Variants in TBC1D10C observed in about 807,000 individuals in gnomAD.
TBC1D10C encodes TBC1 domain family member 10C.
Under a neutral mutation model 51.0 loss-of-function variants are expected in TBC1D10C, and 49 were observed. That is an observed-to-expected ratio of 0.96 (90% CI 0.76 to 1.22). The LOEUF is 1.22. Among genes scored for constraint, TBC1D10C ranks in the 50% most tolerant of loss-of-function variants. The pLI is 0.00. For synonymous variants in TBC1D10C, 281 were observed against 266.7 expected (o/e 1.05, Z -0.52); for missense variants, 541 against 617.5 (o/e 0.88, Z 1.31).
chr11:67,408,877 G>A, intron 7 of TBC1D10C, 102 bp from the exon 8 acceptor site: 1 of 1,402,712 alleles, frequency 7.1e-7, no homozygotes, highest in Non-Finnish European at 9.4e-7. Flanking sequence ...GGGGAGGGCA[G>A]AGCTGCAGGA....
chr11:67,406,122 C>A, intron 5 of TBC1D10C, 105 bp downstream of exon 5: 1 of 998,960 alleles, frequency 1.0e-6, no homozygotes, highest in Non-Finnish European at 1.4e-6. Context: ...GATTCCTGGA[C>A]CCTGTCCTAG....
intron 8 of TBC1D10C, 60 bp from the exon 9 acceptor site, chr11:67,409,347 T>C: frequency 6.6e-7 from 1 of 1,509,268 alleles, no homozygotes; most frequent in Non-Finnish European, 8.9e-7. Flanking sequence ...GCTGGGGACC[T>C]CACAGTTTCC....
At chr11:67,408,690 C>T (rs1011199843) in intron 7 of TBC1D10C, 8 of 367,108 alleles carry the variant, frequency 2.2e-5, no homozygotes, top group African/African-American at 4.3e-5. Flanking sequence ...GGCATCTGAG[C>T]ATCAAGTGAT....
rs1658755384 is a variant in TBC1D10C, at chr11:67,406,537, C to A, written c.583-90C>A. The A allele has an allele frequency of 2.5e-6, 3 of 1,207,202 alleles. No individual in the cohort carries two copies. The African/African-American group carries it at 4.5e-5, about 18-fold the overall frequency. 74.8% of individuals were successfully genotyped at this position (1,207,202 alleles called of 1,614,324 possible). ...CAGGCCCCTGTGGTGCCCAGGCCCTCCCCTTCACTCCTTTCCCCTGTCCTG... is the reference window on the plus strand; with the variant it reads ...CAGGCCCCTGTGGTGCCCAGGCCCTACCCTTCACTCCTTTCCCCTGTCCTG... On this transcript the variant is annotated intron_variant, in intron 5 of 8. Coordinates refer to ENST00000542590, the MANE Select transcript of TBC1D10C (RefSeq NM_001369496.1).
At position 67,405,110 on chromosome 11, in the gene TBC1D10C, A is replaced by G. The variant is rs1490819256; in HGVS notation, c.178A>G (p.Ile60Val). Residue 60 changes from isoleucine (I) to valine (V), a missense_variant, in exon 2 of 9, where the codon ATC becomes GTC. Coordinates refer to ENST00000542590, the MANE Select transcript of TBC1D10C (RefSeq NM_001369496.1). The part of the protein sequence containing the change: ...PGPGHPPADL[I>V]RQREMKWVEM... The stretch of plus-strand genomic sequence containing the variant: ...GCCGGGCCACCCACCTGCAGACCTC[A>G]TCCGCCAACGGGAGATGAAGTGGGT... 6.4e-7 allele frequency: 1 copy of G among 1,551,212 alleles called. No homozygotes were observed. The highest frequency in any genetic ancestry group is 8.7e-7 in the Non-Finnish European group (1 of 1,146,908).
intron 5 of TBC1D10C, 114 bp from the exon 6 acceptor site, chr11:67,406,513 A>G: frequency 4.3e-6 from 4 of 937,110 alleles, no homozygotes; most frequent in Non-Finnish European, 6.6e-6. Context: ...CCCTGAGTGC[A>G]GGCCCCTGTG....
chr11:67,405,189 G>A lies in TBC1D10C; in HGVS notation c.252+5G>A, dbSNP rs375251411. On this transcript the variant is annotated splice_donor_5th_base_variant and intron_variant, in intron 2 of 8. Transcript: ENST00000542590. ...ATGTCCCGGCGGTACAAGAAGGTGA[G>A]GGGGGCAGGGGCCCCACTTGGCTTC... is the stretch of plus-strand genomic sequence containing the variant. The A allele has an allele frequency of 6.4e-7, 1 of 1,550,892 alleles. No individual in the cohort carries two copies. Among genetic ancestry groups the A allele is most frequent in the East Asian group, 2.4e-5 (1 of 40,922 alleles).
At position 67,406,614 on chromosome 11, in the gene TBC1D10C, G is replaced by C; in HGVS notation, c.583-13G>C. ...GTGAGCACTTACAGGCCTGTGCCCTGCCCCTTCCCCAGGAGGCCTTCTGGT... is the reference window on the plus strand; with the variant it reads ...GTGAGCACTTACAGGCCTGTGCCCTCCCCCTTCCCCAGGAGGCCTTCTGGT... On this transcript the variant is annotated splice_polypyrimidine_tract_variant and intron_variant, in intron 5 of 8. Coordinates refer to ENST00000542590, the MANE Select transcript of TBC1D10C (RefSeq NM_001369496.1). 1 of 1,561,752 alleles carries C rather than the reference G, an allele frequency of 6.4e-7. No homozygotes were observed. The highest frequency in any genetic ancestry group is 8.7e-7 in the Non-Finnish European group (1 of 1,152,082).
chr11:67,408,979 G>A lies in TBC1D10C; in HGVS notation c.839G>A (p.Gly280Asp). The A allele has an allele frequency of 6.5e-7, 1 of 1,541,418 alleles. No individual in the cohort carries two copies. Among genetic ancestry groups the A allele is most frequent in the Non-Finnish European group, 8.7e-7 (1 of 1,145,992 alleles). The change falls in exon 8 of 9, where the codon GGT becomes GAT. Residue 280 changes from glycine (G) to aspartate (D), a missense_variant and splice_region_variant. Coordinates refer to ENST00000542590, the MANE Select transcript of TBC1D10C (RefSeq NM_001369496.1). ...CAGTGAATAAGCCCCCGGCCTGCAG[G>A]TGCCAGAGTACTGTTCCGTGTGGGG... ...LRVWDAFLSEGARVLFRVGLT... is the reference protein window; with the variant it reads ...LRVWDAFLSEDARVLFRVGLT...
chr11:67,405,039 G>A (rs370006726), intron 1 of TBC1D10C, 46 bp from the exon 2 acceptor site: 136 of 1,521,644 alleles, frequency 8.9e-5, no homozygotes, highest in Non-Finnish European at 1.2e-4. Flanking sequence ...GTGGGCCTTG[G>A]GTAACAGCTG....
intron 7 of TBC1D10C, chr11:67,407,265 C>G: frequency 2.0e-6 from 1 of 502,266 alleles, no homozygotes; most frequent in South Asian, 3.1e-5. Context: ...CACATGGAGG[C>G]CTGAGCTTCT....
intron 1 of TBC1D10C, 111 bp from the exon 2 acceptor site, chr11:67,404,974 A>C: frequency 4.2e-5 from 40 of 954,522 alleles, no homozygotes; most frequent in Non-Finnish European, 5.2e-5. Flanking sequence ...CAGGGCTCCC[A>C]GAGATCCCTA....
chr11:67,405,918 G>A lies in TBC1D10C; in HGVS notation c.483G>A (p.Leu161=), dbSNP rs774936828. ...SPQGHGQQGL[L]QVLKAYTLYR... ...TCCGGCACAGGCAGCAGGGGCTCCT[G>A]CAGGTGCTCAAGGCCTACACCCTGT... is the stretch of plus-strand genomic sequence containing the variant. The change falls in exon 5 of 9, where the codon CTG becomes CTA. Residue 161 remains leucine, a synonymous_variant. Coordinates refer to ENST00000542590, the MANE Select transcript of TBC1D10C (RefSeq NM_001369496.1). 3 of 1,596,912 alleles carry A rather than the reference G, an allele frequency of 1.9e-6. No homozygotes were observed. The highest frequency in any genetic ancestry group is 1.1e-5 in the South Asian group (1 of 88,690).
At chr11:67,404,556 C>T (rs903298147) in intron 1 of TBC1D10C, among the ~76,000 whole-genome samples, 15 of 152,152 alleles carry the variant, frequency 9.9e-5, no homozygotes, top group African/African-American at 3.6e-4. Context: ...TACCCCCAGC[C>T]TCCGAGGGTT....
At position 67,409,844 on chromosome 11, in the gene TBC1D10C, T is replaced by C; in HGVS notation, c.*90T>C. 2 of 1,198,022 alleles carry C rather than the reference T, an allele frequency of 1.7e-6. No homozygotes were observed. Among genetic ancestry groups the C allele is most frequent in the African/African-American group, 1.5e-5 (1 of 65,566 alleles). 74.2% of individuals were successfully genotyped at this position (1,198,022 alleles called of 1,614,324 possible). A position where few individuals can be genotyped will look rare whatever the true frequency, so the allele number is the denominator to read the frequency against. On this transcript the variant is annotated 3_prime_UTR_variant, in exon 9 of 9. Coordinates refer to ENST00000542590, the MANE Select transcript of TBC1D10C (RefSeq NM_001369496.1). ...AGGCACCGCACTTTACTCTTGGGACTCGGGGACTTGGCTTCCTTCCTGGCA... is the reference window on the plus strand; with the variant it reads ...AGGCACCGCACTTTACTCTTGGGACCCGGGGACTTGGCTTCCTTCCTGGCA...
rs147560025 is a variant in TBC1D10C at position 67,409,094 on chromosome 11, C to G, written c.954C>G (p.Ile318Met). 4 of 1,596,682 alleles carry G rather than the reference C, an allele frequency of 2.5e-6. No individual in the cohort carries two copies. Among genetic ancestry groups the G allele is most frequent in the Non-Finnish European group, 3.4e-6 (4 of 1,173,164 alleles). ...AGACACTGGGAGCCCTTCGAGCCATCCCCCCCGCGCAGCTGCAGGAGGAGG... is the reference window on the plus strand; with the variant it reads ...AGACACTGGGAGCCCTTCGAGCCATGCCCCCCGCGCAGCTGCAGGAGGAGG... Reference protein sequence around the residue: ...LLETLGALRAIPPAQLQEEAF... With the variant: ...LLETLGALRAMPPAQLQEEAF... Residue 318 changes from isoleucine to methionine, a missense_variant, in exon 8 of 9, where the codon ATC (isoleucine) becomes ATG (methionine). Transcript: ENST00000542590.
Position 67,409,845 on chromosome 11 carries a change from C to T in TBC1D10C, c.*91C>T, listed in dbSNP as rs549797964. 4.5e-5 allele frequency: 53 copies of T among 1,183,566 alleles called. No homozygotes were observed. The South Asian group carries it at 5.8e-4, about 13-fold the overall frequency. The allele number at this position is 1,183,566 out of a possible 1,614,324, so 73.3% of individuals were successfully genotyped here. A position where few individuals can be genotyped will look rare whatever the true frequency, so the allele number is the denominator to read the frequency against. ...GGCACCGCACTTTACTCTTGGGACT[C>T]GGGGACTTGGCTTCCTTCCTGGCAA... On this transcript the variant is annotated 3_prime_UTR_variant, in exon 9 of 9. Transcript: ENST00000542590.
At position 67,405,185 on chromosome 11, in the gene TBC1D10C, G is replaced by T. The variant is rs897921319; in HGVS notation, c.252+1G>T. The T allele has an allele frequency of 6.4e-7, 1 of 1,551,282 alleles. No individual in the cohort carries two copies. Among genetic ancestry groups the T allele is most frequent in the Non-Finnish European group, 8.7e-7 (1 of 1,146,872 alleles). On this transcript the variant is annotated splice_donor_variant, in intron 2 of 8. Transcript: ENST00000542590. LOFTEE classifies it high-confidence loss of function. ...AACCATGTCCCGGCGGTACAAGAAG[G>T]TGAGGGGGGCAGGGGCCCCACTTGG... is the stretch of plus-strand genomic sequence containing the variant.
In TBC1D10C at chr11:67,405,076, C is replaced by T. The variant is rs768784729; in HGVS notation, c.153-9C>T. 11 of 1,548,798 alleles carry T rather than the reference C, an allele frequency of 7.1e-6. 1 individual carries two copies. In the South Asian group the frequency reaches 1.3e-4, roughly 18 times the overall value. On this transcript the variant is annotated splice_polypyrimidine_tract_variant and intron_variant, in intron 1 of 8. Transcript: ENST00000542590. ...CCAGCGTCTGGATACCTGTGCCATG[C>T]ACCCCCAGGCCGGGCCACCCACCTG...
Sources: gnomAD v4.1 joint callset for allele counts (sites outside exome capture counted in the v4.1 genomes callset) on GRCh38, gnomAD v4.1.1 for gene constraint, MANE v1.5 for transcripts, NCBI Gene and HGNC (gene_info 2026-07-23, HGNC 2026-07-21) for gene names.